MACROD2: variants seen among roughly 807,000 people sequenced by gnomAD.
MACROD2 encodes mono-ADP ribosylhydrolase 2.
A neutral mutation model predicts 70.4 loss-of-function variants in MACROD2; 36 were observed. That is an observed-to-expected ratio of 0.51 (90% CI 0.39 to 0.68). The LOEUF (loss-of-function observed/expected upper bound fraction) is 0.68, where lower values mean the gene tolerates loss of function less well. MACROD2 is among the 30% of genes least tolerant of loss of function. MACROD2 has a pLI of 0.00. For synonymous variants in MACROD2, 172 were observed against 178.8 expected, an observed-to-expected ratio of 0.96 and a Z score of 0.30; for missense variants, 496 against 538.4, an observed-to-expected ratio of 0.92 and a Z score of 0.78.
intron 8 of MACROD2, among the ~76,000 whole-genome samples, chr20:15,658,451 G>A (rs1343141406): frequency 6.6e-6 from 1 of 152,094 alleles, no homozygotes; most frequent in Non-Finnish European, 1.5e-5. Context: ...TGTTTTCTGG[G>A]CCTCATTGTT....
intron 8 of MACROD2, among the ~76,000 whole-genome samples, chr20:15,851,145 G>T (rs186211039): frequency 1.3e-5 from 2 of 151,996 alleles, no homozygotes; most frequent in African/African-American, 2.4e-5. Flanking sequence ...GAGGGGAATT[G>T]CAAGTAGGAA....
chr20:14,295,562 G>A lies in MACROD2; in HGVS notation c.272-197917G>A, dbSNP rs1237586768. Among the ~76,000 whole-genome samples the A allele has an allele frequency of 2.0e-5, 3 of 151,548 alleles. 1 individual carries two copies. The highest frequency in any genetic ancestry group is 7.3e-5 in the African/African-American group (3 of 41,080). ...GACAGAATATCATTAGGAGGGGACT[G>A]TGTGGGGGGGCTGGGGGGAGTGGTA... On this transcript the variant is annotated intron_variant, in intron 3 of 17. Transcript: ENST00000684519.
intron 2 of MACROD2, among the ~76,000 whole-genome samples, chr20:14,043,430 T>C (rs1334987346): frequency 6.6e-6 from 1 of 152,242 alleles, no homozygotes; most frequent in Non-Finnish European, 1.5e-5. Flanking sequence ...CTCTGCCTTC[T>C]CTGAGTGTGC....
intron 6 of MACROD2, among the ~76,000 whole-genome samples, chr20:15,262,766 T>A (rs1173998785): frequency 6.6e-6 from 1 of 152,142 alleles, no homozygotes; most frequent in Non-Finnish European, 1.5e-5. Context: ...TAATATCTCA[T>A]TGTAGTTTTG....
chr20:14,226,633 G>T (rs1394847829), intron 3 of MACROD2, among the ~76,000 whole-genome samples: 4 of 152,178 alleles, frequency 2.6e-5, no homozygotes, highest in Non-Finnish European at 5.9e-5. Context: ...CCCGGGCAAT[G>T]AGGGGCTTAG....
intron 5 of MACROD2, among the ~76,000 whole-genome samples, chr20:15,221,127 A>G (rs2145966012): frequency 6.6e-6 from 1 of 152,330 alleles, no homozygotes; most frequent in South Asian, 2.1e-4. Flanking sequence ...TTTTACCCAC[A>G]GTATAGAGTC....
intron 3 of MACROD2, among the ~76,000 whole-genome samples, chr20:14,218,004 A>T (rs1007083044): frequency 1.6e-4 from 24 of 152,242 alleles, no homozygotes; most frequent in African/African-American, 5.8e-4. Context: ...TGTTGGATGA[A>T]AATGTTCCCT....
chr20:14,395,130 CT>C (rs1192266756), intron 3 of MACROD2, among the ~76,000 whole-genome samples: 2 of 151,956 alleles, frequency 1.3e-5, no homozygotes, highest in African/African-American at 4.8e-5. Context: ...TCATCTTCAA[CT>C]TTCTGTGAGA....
At chr20:15,583,918 C>T (rs1309231451) in intron 8 of MACROD2, among the ~76,000 whole-genome samples, 1 of 152,234 alleles carries the variant, frequency 6.6e-6, no homozygotes, top group Non-Finnish European at 1.5e-5. Flanking sequence ...GGATTACAGG[C>T]GTAAGCCACA....
chr20:14,031,143 T>C (rs2053242537), intron 2 of MACROD2, among the ~76,000 whole-genome samples: 1 of 152,232 alleles, frequency 6.6e-6, no homozygotes, highest in Admixed American at 6.5e-5. Context: ...TGGCTAAATA[T>C]GACTCTTTAA....
chr20:14,759,910 T>C (rs2071991942), intron 5 of MACROD2, among the ~76,000 whole-genome samples: 1 of 152,100 alleles, frequency 6.6e-6, no homozygotes, highest in Admixed American at 6.5e-5. Context: ...AAGTTCCCTT[T>C]CAACTTAAAA....
chr20:14,538,736 C>T (rs2085397383), intron 4 of MACROD2, among the ~76,000 whole-genome samples: 1 of 152,216 alleles, frequency 6.6e-6, no homozygotes, highest in South Asian at 2.1e-4. Context: ...CTTCAGATGT[C>T]AGCTCAGATG....
intron 5 of MACROD2, among the ~76,000 whole-genome samples, chr20:15,162,564 G>T (rs1341868607): frequency 1.3e-5 from 2 of 152,118 alleles, no homozygotes; most frequent in Non-Finnish European, 2.9e-5. Flanking sequence ...TATCGACATT[G>T]CTTCTGTGGC....
At chr20:15,726,923 CTTTAT>C (rs1459529472) in intron 8 of MACROD2, among the ~76,000 whole-genome samples, 2 of 152,048 alleles carry the variant, frequency 1.3e-5, no homozygotes, top group African/African-American at 4.8e-5. Flanking sequence ...TGCAAAAGCT[CTTTAT>C]TTTAATTAGG....
At chr20:15,473,759 C>T (rs1470481556) in intron 7 of MACROD2, among the ~76,000 whole-genome samples, 2 of 152,204 alleles carry the variant, frequency 1.3e-5, no homozygotes, top group African/African-American at 4.8e-5. Flanking sequence ...AGCTTCCTGA[C>T]TTGTTTCCTT....
intron 8 of MACROD2, among the ~76,000 whole-genome samples, chr20:15,531,546 C>A (rs2047801849): frequency 6.6e-6 from 1 of 152,014 alleles, no homozygotes; most frequent in Admixed American, 6.6e-5. Flanking sequence ...TAAAAACATA[C>A]AAAGTAGTAT....
intron 2 of MACROD2, among the ~76,000 whole-genome samples, chr20:14,051,182 T>G (rs144928472): frequency 1.3e-4 from 20 of 152,242 alleles, no homozygotes; most frequent in African/African-American, 4.1e-4. Context: ...ATGGTTACCT[T>G]TTGAGGAAAG....
At chr20:14,923,718 C>T (rs908532034) in intron 5 of MACROD2, among the ~76,000 whole-genome samples, 5 of 150,034 alleles carry the variant, frequency 3.3e-5, no homozygotes, top group Admixed American at 6.7e-5. Context: ...AGATAGGTGA[C>T]GGCACGGGCC....
chr20:15,130,656 A>G (rs1230117672), intron 5 of MACROD2, among the ~76,000 whole-genome samples: 1 of 152,112 alleles, frequency 6.6e-6, no homozygotes, highest in African/African-American at 2.4e-5. Context: ...CTTTTGCAAT[A>G]AACAAGGTTG....
Sources: gnomAD v4.1 joint callset for allele counts (sites outside exome capture counted in the v4.1 genomes callset) on GRCh38, gnomAD v4.1.1 for gene constraint, MANE v1.5 for transcripts, NCBI Gene and HGNC (gene_info 2026-07-23, HGNC 2026-07-21) for gene names.